Variants in KIF20A observed in about 807,000 individuals in gnomAD.
The protein encoded by KIF20A is kinesin-like protein KIF20A.
KIF20A carries 66 observed loss-of-function variants against 113.0 expected under a neutral mutation model. That is an observed-to-expected ratio of 0.58 (90% CI 0.48 to 0.72). KIF20A has a LOEUF of 0.72. KIF20A is among the 30% of genes least tolerant of loss of function. The pLI, the probability that KIF20A is intolerant of heterozygous loss-of-function variation, is 0.00. For synonymous variants in KIF20A, 376 were observed against 402.3 expected, an observed-to-expected ratio of 0.93 and a Z score of 0.78; for missense variants, 927 against 1,077.6, an observed-to-expected ratio of 0.86 and a Z score of 1.96.
Position 138,182,338 on chromosome 5 carries a change from G to A in KIF20A, c.391G>A (p.Val131Met). The change falls in exon 5 of 19, where the codon GTG (valine) becomes ATG (methionine). Residue 131 changes from valine to methionine, a missense_variant. Transcript: ENST00000394894. ...CTCTCTCTAGATCTTTGGGCCAGAAGTGGGACAGGCATCCTTCTTCAACCT... is the reference window on the plus strand; with the variant it reads ...CTCTCTCTAGATCTTTGGGCCAGAAATGGGACAGGCATCCTTCTTCAACCT... ...FTFSQIFGPE[V>M]GQASFFNLTV... The A allele has an allele frequency of 6.2e-7, 1 of 1,613,846 alleles. No homozygotes were observed. The highest frequency in any genetic ancestry group is 8.5e-7 in the Non-Finnish European group (1 of 1,179,892).
At chr5:138,182,249 A>G in intron 4 of KIF20A, 74 bp from the exon 5 acceptor site, 1 of 1,530,106 alleles carries the variant, frequency 6.5e-7, no homozygotes, top group Non-Finnish European at 8.8e-7. Flanking sequence ...AGGAAGGAAT[A>G]TATCTGCTGG....
In KIF20A at chr5:138,179,816, G is replaced by C. The variant is rs1181709523; in HGVS notation, c.136G>C (p.Val46Leu). ...GAACCTGCTATCAGACTGCTCTGTC[G>C]TCTCTACCTCCCTAGAGGACAAGCA... Reference protein sequence around the residue: ...RKNLLSDCSVVSTSLEDKQQV... With the variant: ...RKNLLSDCSVLSTSLEDKQQV... The change falls in exon 2 of 19, where the codon GTC becomes CTC. Residue 46 changes from valine (V) to leucine (L), a missense_variant. Val to Leu is a conservative substitution (Grantham distance 32). Transcript: ENST00000394894. The C allele has an allele frequency of 3.1e-6, 5 of 1,613,886 alleles. No individual in the cohort carries two copies. The highest frequency in any genetic ancestry group is 4.2e-6 in the Non-Finnish European group (5 of 1,180,026).
rs749706075 is a variant in KIF20A at position 138,179,670 on chromosome 5, C to T, written c.-11C>T. The T allele has an allele frequency of 1.4e-5, 22 of 1,613,512 alleles. No individual in the cohort carries two copies. The highest frequency in any genetic ancestry group is 8.5e-6 in the Non-Finnish European group (10 of 1,179,964). ...TTGGTCTCTTTTTAGACCTAGGCTGCCCCTGCCGTCATGTCGCAAGGGATC... is the reference window on the plus strand; with the variant it reads ...TTGGTCTCTTTTTAGACCTAGGCTGTCCCTGCCGTCATGTCGCAAGGGATC... On this transcript the variant is annotated 5_prime_UTR_variant, in exon 2 of 19. Coordinates refer to ENST00000394894, the MANE Select transcript of KIF20A (RefSeq NM_005733.3).
chr5:138,179,892 C>CCAAT, intron 2 of KIF20A, 47 bp downstream of exon 2: 1 of 1,590,450 alleles, frequency 6.3e-7, no homozygotes, highest in Non-Finnish European at 8.6e-7. Flanking sequence ...TATCCTCAGG[C>CCAAT]CAATAATTGT....
chr5:138,181,556 CAA>C, intron 3 of KIF20A, 45 bp downstream of exon 3: 4 of 1,614,014 alleles, frequency 2.5e-6, no homozygotes, highest in Non-Finnish European at 3.4e-6. Context: ...TGATGCAGTA[CAA>C]AAGATTCCCA....
chr5:138,186,023 G>A lies in KIF20A; in HGVS notation c.2188G>A (p.Val730Met), dbSNP rs918846252. 37 of 1,613,948 alleles carry A rather than the reference G, an allele frequency of 2.3e-5. No individual in the cohort carries two copies. The highest frequency in any genetic ancestry group is 1.5e-4 in the Admixed American group (9 of 59,986). The change falls in exon 17 of 19, where the codon GTG (valine) becomes ATG (methionine). Residue 730 changes from valine (V) to methionine (M), a missense_variant. Coordinates refer to ENST00000394894, the MANE Select transcript of KIF20A (RefSeq NM_005733.3). The stretch of plus-strand genomic sequence containing the variant: ...CTCAGCCAAGCCCTTCACCATTGAT[G>A]TGGACAAGAAGTTAGAAGAGGGCCA... The part of the protein sequence containing the change: ...PPSAKPFTID[V>M]DKKLEEGQKN...
At position 138,182,624 on chromosome 5, in the gene KIF20A, G is replaced by T; in HGVS notation, c.553G>T (p.Ala185Ser). ...TGGAGGGATTCTCCCCCGGTCCCTG[G>T]CGCTGATCTTCAATAGCCTCCAAGG... ...KDGGILPRSLALIFNSLQGQL... is the reference protein window; with the variant it reads ...KDGGILPRSLSLIFNSLQGQL... The change falls in exon 6 of 19, where the codon GCG (alanine) becomes TCG (serine). Residue 185 changes from alanine to serine, a missense_variant. By Grantham distance (99) the Ala-to-Ser change is moderately conservative. Transcript: ENST00000394894. The T allele has an allele frequency of 6.2e-7, 1 of 1,614,164 alleles. No individual in the cohort carries two copies. Among genetic ancestry groups the T allele is most frequent in the Non-Finnish European group, 8.5e-7 (1 of 1,180,042 alleles).
intron 2 of KIF20A, among the ~76,000 whole-genome samples, chr5:138,180,769 G>A (rs1033448438): frequency 6.6e-6 from 1 of 152,064 alleles, no homozygotes; most frequent in Admixed American, 6.6e-5. Context: ...TCCGCCTCCC[G>A]GGTTCAAGCA....
chr5:138,184,027 A>G lies in KIF20A; in HGVS notation c.1274A>G (p.Lys425Arg). ...GATCAGAAGAGTGGTGAACGGTTGA[A>G]GGAAGCAGGAAACATTAACACCTCT... ...CKDQKSGERL[K>R]EAGNINTSLH... The change falls in exon 11 of 19, where the codon AAG becomes AGG. Residue 425 changes from lysine (K) to arginine (R), a missense_variant. Lys to Arg is a conservative substitution (Grantham distance 26, BLOSUM62 2). Transcript: ENST00000394894. 1 of 1,614,132 alleles carries G rather than the reference A, an allele frequency of 6.2e-7. No homozygotes were observed. Among genetic ancestry groups the G allele is most frequent in the Non-Finnish European group, 8.5e-7 (1 of 1,180,012 alleles).
chr5:138,186,250 G>C (rs1191952626), intron 17 of KIF20A, 44 bp from the exon 18 acceptor site: 6 of 1,571,546 alleles, frequency 3.8e-6, no homozygotes, highest in Non-Finnish European at 5.2e-6. Flanking sequence ...TCATTATCCT[G>C]GTTGCTCTTG....
intron 15 of KIF20A, 99 bp from the exon 16 acceptor site, chr5:138,185,413 C>A: frequency 8.6e-7 from 1 of 1,166,550 alleles, no homozygotes; most frequent in Non-Finnish European, 1.3e-6. Flanking sequence ...AACAGGTTTT[C>A]AAGGGATCAG....
chr5:138,184,941 G>A lies in KIF20A; in HGVS notation c.1818G>A (p.Trp606Ter). 1 of 1,614,102 alleles carries A rather than the reference G, an allele frequency of 6.2e-7. No individual in the cohort carries two copies. Among genetic ancestry groups the A allele is most frequent in the Non-Finnish European group, 8.5e-7 (1 of 1,179,968 alleles). ...MVEQMQQREQ[W>*]CSEHLDTQKE... ...AACAGATGCAACAGCGGGAACAGTG[G>A]TGCAGGTACTAGCTGAGTGACCCCT... The change falls in exon 14 of 19, where the codon TGG becomes TGA. Residue 606 changes from tryptophan (W) to a stop codon, truncating the protein, a stop_gained. Coordinates refer to ENST00000394894, the MANE Select transcript of KIF20A (RefSeq NM_005733.3). LOFTEE classifies it high-confidence loss of function.
rs748576220 is a variant in KIF20A at position 138,186,432 on chromosome 5, G to T, written c.2355+1G>T. 4 of 1,612,310 alleles carry T rather than the reference G, an allele frequency of 2.5e-6. No individual in the cohort carries two copies. Among genetic ancestry groups the T allele is most frequent in the Admixed American group, 3.4e-5 (2 of 59,328 alleles). On this transcript the variant is annotated splice_donor_variant, in intron 18 of 18. Coordinates refer to ENST00000394894, the MANE Select transcript of KIF20A (RefSeq NM_005733.3). LOFTEE classifies it high-confidence loss of function. ...TTGTGATGACATCTTAATCAAACAGGTTAGGGCAAACTATATACCCACTTC... is the reference window on the plus strand; with the variant it reads ...TTGTGATGACATCTTAATCAAACAGTTTAGGGCAAACTATATACCCACTTC...
chr5:138,179,908 C>T (rs942311183), intron 2 of KIF20A, 63 bp downstream of exon 2: 14 of 1,546,232 alleles, frequency 9.1e-6, no homozygotes, highest in Non-Finnish European at 1.2e-5. Flanking sequence ...ATTGTCCATA[C>T]AGGGTAGTAT....
chr5:138,181,211 G>T (rs1754656340), intron 2 of KIF20A, among the ~76,000 whole-genome samples: 1 of 152,248 alleles, frequency 6.6e-6, no homozygotes, highest in Non-Finnish European at 1.5e-5. Context: ...AGCCACATTT[G>T]CAGGATAATG....
In KIF20A at chr5:138,187,366, C is replaced by A; in HGVS notation, c.2626C>A (p.Arg876=). The change falls in exon 19 of 19, where the codon CGG becomes AGG. Residue 876 remains arginine (R), a synonymous_variant. Transcript: ENST00000394894. ...CSPYARILRS[R]RSPLLKSGPF... Reference sequence around the variant, plus strand: ...CCCTTATGCCCGGATCCTACGCTCACGGCGTTCCCCTTTACTCAAATCTGG... The same window carrying A: ...CCCTTATGCCCGGATCCTACGCTCAAGGCGTTCCCCTTTACTCAAATCTGG... The A allele has an allele frequency of 6.2e-7, 1 of 1,614,066 alleles. No individual in the cohort carries two copies. The highest frequency in any genetic ancestry group is 2.2e-5 in the East Asian group (1 of 44,902).
rs747581101 is a variant in KIF20A at position 138,182,845 on chromosome 5, C to A, written c.703-16C>A. On this transcript the variant is annotated splice_polypyrimidine_tract_variant and intron_variant, in intron 6 of 18. Coordinates refer to ENST00000394894, the MANE Select transcript of KIF20A (RefSeq NM_005733.3). Reference sequence around the variant, plus strand: ...CGGGGAAGTTTTGTGCTTACCTTCTCCCTGTGCCCCTCCAGGAGGAGCTGT... The same window carrying A: ...CGGGGAAGTTTTGTGCTTACCTTCTACCTGTGCCCCTCCAGGAGGAGCTGT... 7 of 1,613,924 alleles carry A rather than the reference C, an allele frequency of 4.3e-6. No homozygotes were observed. The South Asian group carries it at 5.5e-5, about 13-fold the overall frequency.
rs764830207 is a variant in KIF20A at position 138,184,455 on chromosome 5, A to G, written c.1518+51A>G. 3.1e-6 allele frequency: 5 copies of G among 1,612,086 alleles called. No homozygotes were observed. In the East Asian group the frequency reaches 1.1e-4, roughly 36 times the overall value. On this transcript the variant is annotated intron_variant, in intron 12 of 18. Transcript: ENST00000394894. ...GTGCGCACTTGGAACTGGTAACTCT[A>G]AGAAAGCTCCTAGGGACTACTTATG...
Position 138,187,359 on chromosome 5 carries a change from A to C in KIF20A, c.2619A>C (p.Leu873=), listed in dbSNP as rs762721026. The C allele has an allele frequency of 6.2e-7, 1 of 1,614,192 alleles. No individual in the cohort carries two copies. Among genetic ancestry groups the C allele is most frequent in the Non-Finnish European group, 8.5e-7 (1 of 1,180,026 alleles). ...ACTGCAGCCCTTATGCCCGGATCCTACGCTCACGGCGTTCCCCTTTACTCA... is the reference window on the plus strand; with the variant it reads ...ACTGCAGCCCTTATGCCCGGATCCTCCGCTCACGGCGTTCCCCTTTACTCA... The part of the protein sequence containing the change: ...STDCSPYARI[L]RSRRSPLLKS... The change falls in exon 19 of 19, where the codon CTA becomes CTC. Residue 873 remains leucine (L), a synonymous_variant. Transcript: ENST00000394894.
Sources: gnomAD v4.1 joint callset for allele counts (sites outside exome capture counted in the v4.1 genomes callset) on GRCh38, gnomAD v4.1.1 for gene constraint, MANE v1.5 for transcripts, NCBI Gene and HGNC (gene_info 2026-07-23, HGNC 2026-07-21) for gene names.